The following UBR1 variants were observed in gnomAD, a reference collection of about 807,000 sequenced individuals.
UBR1 encodes the protein E3 ubiquitin-protein ligase UBR1.
Under a neutral mutation model 242.1 loss-of-function variants are expected in UBR1, and 102 were observed. The observed-to-expected ratio is 0.42, with a 90% CI of 0.36 to 0.50. The LOEUF is 0.50. UBR1 is among the 20% of genes least tolerant of loss of function. The pLI is 0.01. For synonymous variants in UBR1, 675 were observed against 684.8 expected, an observed-to-expected ratio of 0.99 and a Z score of 0.22; for missense variants, 1,772 against 2,101.8, an observed-to-expected ratio of 0.84 and a Z score of 3.07.
At chr15:43,010,577 A>C (rs928878109) in intron 29 of UBR1, among the ~76,000 whole-genome samples, 2 of 152,176 alleles carry the variant, frequency 1.3e-5, no homozygotes, top group African/African-American at 2.4e-5. Context: ...TTATAACCAG[A>C]GAACCTCTGA....
intron 29 of UBR1, among the ~76,000 whole-genome samples, chr15:43,011,614 C>T (rs930005865): frequency 6.6e-6 from 1 of 152,306 alleles, no homozygotes; most frequent in East Asian, 1.9e-4. Flanking sequence ...ATCACATTTT[C>T]AAGTACTGAA....
intron 20 of UBR1, among the ~76,000 whole-genome samples, chr15:43,031,742 G>A (rs1007925755): frequency 6.6e-6 from 1 of 152,226 alleles, no homozygotes; most frequent in Non-Finnish European, 1.5e-5. Context: ...CAAGATGACA[G>A]CCGGGCGCGG....
intron 20 of UBR1, 21 bp from the exon 21 acceptor site, chr15:43,030,089 C>G (rs777220601): frequency 6.3e-6 from 10 of 1,589,660 alleles, no homozygotes; most frequent in Non-Finnish European, 8.6e-6. Context: ...TAATTAAAAA[C>G]AAAAAAAAAG....
At chr15:43,064,577 CTTT>C (rs35224418) in intron 6 of UBR1, among the ~76,000 whole-genome samples, 5 of 138,814 alleles carry the variant, frequency 3.6e-5, no homozygotes, top group Non-Finnish European at 4.7e-5. Context: ...TATCTTACAT[CTTT>C]TTTTTTTTTT....
intron 1 of UBR1, among the ~76,000 whole-genome samples, chr15:43,086,574 G>A (rs938076134): frequency 6.6e-6 from 1 of 151,560 alleles, no homozygotes; most frequent in African/African-American, 2.4e-5. Flanking sequence ...CAAAAATTTT[G>A]TTTTAGGAAA....
intron 35 of UBR1, among the ~76,000 whole-genome samples, chr15:42,985,989 C>CAAAA (rs1230190123): frequency 1.1e-4 from 5 of 47,008 alleles, no homozygotes; most frequent in African/African-American, 3.3e-4. Context: ...GACCCTGTCT[C>CAAAA]AAAAAAAAAA....
At chr15:43,093,472 T>C (rs1296511248) in intron 1 of UBR1, among the ~76,000 whole-genome samples, 1 of 152,160 alleles carries the variant, frequency 6.6e-6, no homozygotes, top group African/African-American at 2.4e-5. Context: ...CTTCTAATAT[T>C]ATTCTACAGA....
chr15:43,038,080 G>A lies in UBR1; in HGVS notation c.1911+91C>T, dbSNP rs189470741. The A allele has an allele frequency of 7.0e-5, 100 of 1,438,092 alleles. No individual in the cohort carries two copies. The East Asian group carries it at 2.2e-3, about 32-fold the overall frequency. The allele number at this position is 1,438,092 out of a possible 1,614,324, so 89.1% of individuals were successfully genotyped here. The stretch of plus-strand genomic sequence containing the variant: ...TTACTAAATGGGAATTCCTCAGGTG[G>A]GTTTCTAAATATTATCTCCTTCTCG... On this transcript the variant is annotated intron_variant, in intron 16 of 46. Transcript: ENST00000290650.
Position 42,952,290 on chromosome 15 carries a change from C to CAGACT in UBR1, c.4989_4993dup (p.Cys1665Ter). On this transcript the variant is annotated stop_gained and frameshift_variant, in exon 45 of 47. Coordinates refer to ENST00000290650, the MANE Select transcript of UBR1 (RefSeq NM_174916.3). LOFTEE classifies it high-confidence loss of function. ...ACTCACTACTCACTTTAGGAAAATGCAGACTCCGGCTCCACAGTGAAGTGC... is the reference window on the plus strand; with the variant it reads ...ACTCACTACTCACTTTAGGAAAATGCAGACTAGACTCCGGCTCCACAGTGAAGTGC... 1 of 1,614,150 alleles carries CAGACT rather than the reference C, an allele frequency of 6.2e-7. No individual in the cohort carries two copies. Among genetic ancestry groups the CAGACT allele is most frequent in the Non-Finnish European group, 8.5e-7 (1 of 1,180,030 alleles).
rs115841231 is a variant in UBR1 at position 43,088,155 on chromosome 15, A to G, written c.82-1915T>C. ...TTTAAAAACTTTTTCAATCCTATAC[A>G]TTTCATGTACAGTTATTCATAACAG... is the stretch of plus-strand genomic sequence containing the variant. On this transcript the variant is annotated intron_variant, in intron 1 of 46. Coordinates refer to ENST00000290650, the MANE Select transcript of UBR1 (RefSeq NM_174916.3). Among the ~76,000 whole-genome samples the G allele has an allele frequency of 5.3e-3, 814 of 152,308 alleles. 9 individuals carry two copies. The highest frequency in any genetic ancestry group is 0.019 in the African/African-American group (781 of 41,564).
Position 42,998,537 on chromosome 15 carries a change from G to A in UBR1, c.3660-272C>T, listed in dbSNP as rs893263085. ...TAGAATCACCATTCTAGTTGCTCCAGTCAAAAACTAGGTGTTGTCATTGAT... is the reference window on the plus strand; with the variant it reads ...TAGAATCACCATTCTAGTTGCTCCAATCAAAAACTAGGTGTTGTCATTGAT... On this transcript the variant is annotated intron_variant, in intron 32 of 46. Coordinates refer to ENST00000290650, the MANE Select transcript of UBR1 (RefSeq NM_174916.3). Among the ~76,000 whole-genome samples the A allele has an allele frequency of 2.0e-5, 3 of 152,178 alleles. No homozygotes were observed. The East Asian group carries it at 5.8e-4, about 29-fold the overall frequency.
At chr15:42,957,757 T>C (rs1269902255) in intron 44 of UBR1, among the ~76,000 whole-genome samples, 2 of 151,964 alleles carry the variant, frequency 1.3e-5, no homozygotes, top group African/African-American at 4.8e-5. Context: ...CTGCCTGTAG[T>C]TTCACTACTT....
Position 43,101,525 on chromosome 15 carries a change from C to T in UBR1, c.81+4417G>A, listed in dbSNP as rs115743610. ...TTCCTCTCCTAAAATCTTGTCTTTC[C>T]TCTCAATATATGACACAACCAAGGC... is the stretch of plus-strand genomic sequence containing the variant. On this transcript the variant is annotated intron_variant, in intron 1 of 46. Transcript: ENST00000290650. 5.4e-3 allele frequency among the ~76,000 whole-genome samples: 829 copies of T among 152,228 alleles called. 3 individuals carry two copies. Among genetic ancestry groups the T allele is most frequent in the African/African-American group, 0.019 (799 of 41,536 alleles).
chr15:43,062,141 T>C (rs966863795), intron 6 of UBR1, among the ~76,000 whole-genome samples: 3 of 152,178 alleles, frequency 2.0e-5, no homozygotes, highest in Non-Finnish European at 4.4e-5. Context: ...CTTGTGGGCA[T>C]GTACCCAAAA....
chr15:43,046,188 G>A (rs1413335773), intron 14 of UBR1, among the ~76,000 whole-genome samples: 2 of 152,208 alleles, frequency 1.3e-5, no homozygotes, highest in Non-Finnish European at 2.9e-5. Flanking sequence ...CCATAAAAGT[G>A]AGGGAAGCCA....
rs955194635 is a variant in UBR1, at chr15:42,998,078, C to A, written c.3757+90G>T. The A allele has an allele frequency of 8.5e-6, 10 of 1,181,346 alleles. No individual in the cohort carries two copies. In the African/African-American group the frequency reaches 1.5e-4, roughly 18 times the overall value. The allele number at this position is 1,181,346 out of a possible 1,614,324, so 73.2% of individuals were successfully genotyped here. A position where few individuals can be genotyped will look rare whatever the true frequency, so the allele number is the denominator to read the frequency against. On this transcript the variant is annotated intron_variant, in intron 33 of 46. Coordinates refer to ENST00000290650, the MANE Select transcript of UBR1 (RefSeq NM_174916.3). The stretch of plus-strand genomic sequence containing the variant: ...CTGATATTCAAGAAATCTGTACTTG[C>A]AAACCATATTTTAGCCCAATAATTA...
At chr15:42,952,627 G>A (rs893524384) in intron 44 of UBR1, among the ~76,000 whole-genome samples, 179 bp from the exon 45 acceptor site, 25 of 152,166 alleles carry the variant, frequency 1.6e-4, no homozygotes, top group African/African-American at 5.8e-4. Flanking sequence ...CCCCCTAAAA[G>A]GGCTTCATGG....
At chr15:43,041,293 G>A (rs913965264) in intron 15 of UBR1, among the ~76,000 whole-genome samples, 1 of 152,170 alleles carries the variant, frequency 6.6e-6, no homozygotes, top group Non-Finnish European at 1.5e-5. Flanking sequence ...GCCCTTTGTA[G>A]GGACATGAAT....
intron 14 of UBR1, among the ~76,000 whole-genome samples, chr15:43,044,076 C>T (rs2033453635): frequency 6.6e-6 from 1 of 151,944 alleles, no homozygotes; most frequent in African/African-American, 2.4e-5. Flanking sequence ...TAAATAAAGA[C>T]AAAAATAAGA....
Sources: gnomAD v4.1 joint callset for allele counts (sites outside exome capture counted in the v4.1 genomes callset) on GRCh38, gnomAD v4.1.1 for gene constraint, MANE v1.5 for transcripts, NCBI Gene and HGNC (gene_info 2026-07-23, HGNC 2026-07-21) for gene names.